The following MGAT4C variants were observed in gnomAD, a reference collection of about 807,000 sequenced individuals.
MGAT4C encodes the protein alpha-1,3-mannosyl-glycoprotein 4-beta-N-acetylglucosaminyltransferase C.
A neutral mutation model predicts 40.1 loss-of-function variants in MGAT4C; 19 were observed. That is an observed-to-expected ratio of 0.47 (90% CI 0.33 to 0.70). MGAT4C has a LOEUF of 0.70. Ranked by LOEUF, MGAT4C falls within the 30% of genes least tolerant of loss-of-function variation. The pLI is 0.02. For synonymous variants in MGAT4C, 181 were observed against 187.1 expected (o/e 0.97, Z 0.27); for missense variants, 491 against 563.2 (o/e 0.87, Z 1.30).
At chr12:86,180,065 C>T (rs1490317000) in intron 1 of MGAT4C, among the ~76,000 whole-genome samples, 1 of 152,174 alleles carries the variant, frequency 6.6e-6, no homozygotes, top group African/African-American at 2.4e-5. Context: ...GCTGTGTGCA[C>T]CCTTGGGACT....
intron 1 of MGAT4C, among the ~76,000 whole-genome samples, chr12:86,771,686 ATGTGTGTGTGTGTGTGTGTGTG>A (rs59917182): frequency 6.8e-6 from 1 of 146,756 alleles, no homozygotes; most frequent in South Asian, 2.2e-4. Context: ...ATAAATATAT[ATGTGTGTGTGTGTGTGTGTGTG>A]TGTGTGTGTG....
intron 2 of MGAT4C, among the ~76,000 whole-genome samples, chr12:86,719,019 T>C (rs1238939815): frequency 6.6e-6 from 1 of 152,186 alleles, no homozygotes; most frequent in Non-Finnish European, 1.5e-5. Context: ...GCTGAACAAA[T>C]GTTTCTCTAA....
At chr12:86,678,502 A>C (rs192409933) in intron 2 of MGAT4C, among the ~76,000 whole-genome samples, 2,790 of 151,542 alleles carry the variant, frequency 0.018, 34 homozygotes, top group Non-Finnish European at 0.029. Context: ...ATATGTATAC[A>C]TGTGCCATGC....
chr12:86,441,282 A>G (rs1248489453), intron 2 of MGAT4C, among the ~76,000 whole-genome samples: 1 of 151,918 alleles, frequency 6.6e-6, no homozygotes. Flanking sequence ...AGACCAATGC[A>G]ACAAAATAGA....
chr12:86,820,166 A>G (rs1285696265), intron 1 of MGAT4C, among the ~76,000 whole-genome samples: 1 of 150,904 alleles, frequency 6.6e-6, no homozygotes, highest in Non-Finnish European at 1.5e-5. Context: ...CTGTAATTCA[A>G]CAAATATAAA....
At chr12:86,492,086 C>CA (rs1226611851) in intron 2 of MGAT4C, among the ~76,000 whole-genome samples, 6 of 152,144 alleles carry the variant, frequency 3.9e-5, no homozygotes, top group Non-Finnish European at 7.3e-5. Context: ...ATCCAACTTG[C>CA]AAGGGATGTG....
At position 86,734,959 on chromosome 12, in the gene MGAT4C, A is replaced by G. The variant is rs141676371; in HGVS notation, c.-261-7718T>C. Among the ~76,000 whole-genome samples, 767 of 152,122 alleles carry G rather than the reference A, an allele frequency of 5.0e-3. 7 individuals carry two copies. Among genetic ancestry groups the G allele is most frequent in the Non-Finnish European group, 8.0e-3 (542 of 67,978 alleles). On this transcript the variant is annotated intron_variant, in intron 1 of 7. Coordinates refer to the MGAT4C transcript ENST00000548651. Reference sequence around the variant, plus strand: ...GAAAGGAGTAGGAAAACATTTAAATAGTGTGTATAAGATGTTATTTAATTG... The same window carrying G: ...GAAAGGAGTAGGAAAACATTTAAATGGTGTGTATAAGATGTTATTTAATTG...
intron 2 of MGAT4C, among the ~76,000 whole-genome samples, chr12:86,583,542 C>A (rs770000776): frequency 6.6e-6 from 1 of 151,190 alleles, no homozygotes; most frequent in Non-Finnish European, 1.5e-5. Context: ...TAAATACCAA[C>A]ATTAGCTTTC....
intron 2 of MGAT4C, among the ~76,000 whole-genome samples, chr12:86,474,619 A>C (rs1012394252): frequency 6.6e-6 from 1 of 152,102 alleles, no homozygotes; most frequent in Non-Finnish European, 1.5e-5. Context: ...ACATCTGGGG[A>C]GGTTAAACTG....
chr12:86,552,014 C>G (rs1555203704), intron 2 of MGAT4C, among the ~76,000 whole-genome samples: 1 of 87,514 alleles, frequency 1.1e-5, no homozygotes, highest in African/African-American at 4.3e-5. Flanking sequence ...ACACATTAAA[C>G]ATTAAAAAAA....
At chr12:86,161,513 G>A (rs958362745) in intron 1 of MGAT4C, among the ~76,000 whole-genome samples, 5 of 152,072 alleles carry the variant, frequency 3.3e-5, no homozygotes, top group African/African-American at 1.2e-4. Context: ...ACTCAAAATG[G>A]ATTAACGATT....
At chr12:86,485,538 A>G (rs1343164484) in intron 2 of MGAT4C, among the ~76,000 whole-genome samples, 1 of 152,208 alleles carries the variant, frequency 6.6e-6, no homozygotes, top group East Asian at 1.9e-4. Flanking sequence ...AATAATAAAG[A>G]AAAGAAATTT....
intron 2 of MGAT4C, among the ~76,000 whole-genome samples, chr12:86,654,342 GT>G (rs60629688): frequency 0.57 from 77,174 of 136,282 alleles, 20,154 homozygotes; most frequent in Middle Eastern, 0.66. Flanking sequence ...AGTTTGTGGG[GT>G]TTTTTTTTTT....
chr12:86,320,248 C>T (rs1392969850), intron 4 of MGAT4C, among the ~76,000 whole-genome samples: 4 of 152,044 alleles, frequency 2.6e-5, no homozygotes, highest in African/African-American at 9.7e-5. Flanking sequence ...TCATCTTTTA[C>T]AAAGGTTTGC....
intron 2 of MGAT4C, among the ~76,000 whole-genome samples, chr12:86,673,527 G>C (rs1194870759): frequency 6.6e-6 from 1 of 151,742 alleles, no homozygotes; most frequent in Non-Finnish European, 1.5e-5. Context: ...AAAATACATA[G>C]TAATATGCAT....
intron 2 of MGAT4C, among the ~76,000 whole-genome samples, chr12:86,015,134 C>T (rs989390824): frequency 9.2e-5 from 14 of 151,474 alleles, no homozygotes; most frequent in African/African-American, 3.4e-4. Flanking sequence ...TGTTTTTTCA[C>T]TTCTGAGGTG....
chr12:86,705,236 ATC>A (rs1199176431), intron 2 of MGAT4C, among the ~76,000 whole-genome samples: 4 of 149,730 alleles, frequency 2.7e-5, no homozygotes, highest in Non-Finnish European at 5.9e-5. Flanking sequence ...CTATCTATCT[ATC>A]TATCTATCTA....
At chr12:86,753,219 G>A (rs1951251185) in intron 1 of MGAT4C, among the ~76,000 whole-genome samples, 2 of 152,088 alleles carry the variant, frequency 1.3e-5, no homozygotes, top group African/African-American at 4.8e-5. Context: ...GAAGGTTGTG[G>A]GTTTACAGGA....
rs1893293799 is a variant in MGAT4C, at chr12:86,055,487, C to A, written c.-56-5764G>T. Among the ~76,000 whole-genome samples, 3 of 151,922 alleles carry A rather than the reference C, an allele frequency of 2.0e-5. No individual in the cohort carries two copies. The South Asian group carries it at 6.2e-4, about 32-fold the overall frequency. On this transcript the variant is annotated intron_variant, in intron 1 of 4. Coordinates refer to ENST00000611864, the MANE Select transcript of MGAT4C (RefSeq NM_001351288.2). ...ACATTAATATCAAAAGTCTCTAAAC[C>A]ATAAATCATATAAGTGATGTTGAGG...
Sources: gnomAD v4.1 joint callset for allele counts (sites outside exome capture counted in the v4.1 genomes callset) on GRCh38, gnomAD v4.1.1 for gene constraint, MANE v1.5 for transcripts, NCBI Gene and HGNC (gene_info 2026-07-23, HGNC 2026-07-21) for gene names.